PITPNA: variants seen among roughly 807,000 people sequenced by gnomAD.
The protein encoded by PITPNA is phosphatidylinositol transfer protein alpha.
Under a neutral mutation model 50.3 loss-of-function variants are expected in PITPNA, and 13 were observed. The observed-to-expected ratio is 0.26, with a 90% confidence interval of 0.17 to 0.41. PITPNA has a LOEUF of 0.41. PITPNA is among the 10% of genes least tolerant of loss of function. The pLI is 1.00. For synonymous variants in PITPNA, 120 were observed against 119.6 expected (o/e 1.00, Z -0.02); for missense variants, 207 against 333.4 (o/e 0.62, Z 2.95).
chr17:1,533,167 T>C (rs2075594597), intron 10 of PITPNA, among the ~76,000 whole-genome samples: 1 of 152,168 alleles, frequency 6.6e-6, no homozygotes, highest in Admixed American at 6.5e-5. Context: ...GTGATGGCAG[T>C]TCTTATGAAA....
At chr17:1,552,003 C>G (rs1321563939) in intron 3 of PITPNA, among the ~76,000 whole-genome samples, 2 of 136,696 alleles carry the variant, frequency 1.5e-5, no homozygotes, top group African/African-American at 5.0e-5. Context: ...TGAGGTTCCT[C>G]CCCACTGCAC....
At chr17:1,539,436 T>C (rs1293278336) in intron 6 of PITPNA, among the ~76,000 whole-genome samples, 1 of 117,096 alleles carries the variant, frequency 8.5e-6, no homozygotes, top group African/African-American at 3.4e-5. Context: ...AGCTGGGCCC[T>C]AGTGATCCTC....
chr17:1,526,740 T>C (rs2075550442), intron 10 of PITPNA, among the ~76,000 whole-genome samples: 2 of 152,152 alleles, frequency 1.3e-5, no homozygotes, highest in African/African-American at 4.8e-5. Context: ...CCCATACCAC[T>C]GAAATAAAAT....
rs553943515 is a variant in PITPNA at position 1,562,588 on chromosome 17, C to G, written c.-28G>C. On this transcript the variant is annotated 5_prime_UTR_variant, in exon 1 of 12. Transcript: ENST00000313486. The surrounding 1 kb of genome is among the most constrained non-coding windows in gnomAD (Gnocchi z 6.4). ...CGCTTCGCGGCTCGGTGGCTGCCCG[C>G]GGCCCGCCCGGCCTCCCGCCCGCTG... 2 of 1,267,632 alleles carry G rather than the reference C, an allele frequency of 1.6e-6. No homozygotes were observed. The highest frequency in any genetic ancestry group is 2.0e-6 in the Non-Finnish European group (2 of 1,002,442). The allele number at this position is 1,267,632 out of a possible 1,614,324, so 78.5% of individuals were successfully genotyped here.
At position 1,562,644 on chromosome 17, in the gene PITPNA, C is replaced by G; in HGVS notation, c.-84G>C. 1 of 988,212 alleles carries G rather than the reference C, an allele frequency of 1.0e-6. No homozygotes were observed. Among genetic ancestry groups the G allele is most frequent in the Non-Finnish European group, 1.3e-6 (1 of 787,820 alleles). 61.2% of individuals were successfully genotyped at this position (988,212 alleles called of 1,614,324 possible). ...CGGCCGCTCTCCCCGTGGCCCGGCC[C>G]GGCCCGGCTGCCTGTGCGTCTTCGT... On this transcript the variant is annotated 5_prime_UTR_variant, in exon 1 of 12. Coordinates refer to ENST00000313486, the MANE Select transcript of PITPNA (RefSeq NM_006224.4). This position sits in a 1 kb window ranked among gnomAD's most constrained non-coding sequence, Gnocchi z 6.4.
At chr17:1,548,669 C>T (rs2075691641) in intron 3 of PITPNA, among the ~76,000 whole-genome samples, 1 of 152,182 alleles carries the variant, frequency 6.6e-6, no homozygotes, top group African/African-American at 2.4e-5. Flanking sequence ...CAGCATTACA[C>T]ATTTTTCCAG....
rs540844423 is a variant in PITPNA at position 1,558,157 on chromosome 17, C to T, written c.51+372G>A. ...GAGGCAGGAGAATAGCTTGAACCCA[C>T]GAGGCAGAGGTTGCAGTGAGCGGAG... On this transcript the variant is annotated intron_variant, in intron 2 of 11. Coordinates refer to ENST00000313486, the MANE Select transcript of PITPNA (RefSeq NM_006224.4). Among the ~76,000 whole-genome samples the T allele has an allele frequency of 5.5e-5, 8 of 146,528 alleles. No individual in the cohort carries two copies. In the South Asian group the frequency reaches 8.5e-4, roughly 16 times the overall value.
rs1425982812 is a variant in PITPNA, at chr17:1,534,214, C to T, written c.653G>A (p.Arg218Lys). ...KVENFIHKQE[R>K]RLFTNFHRQL... ...CCTGTGGAAGTTTGTAAACAGACGCCTCTCTTGCTATAGAAAGGAGGGAAC... is the reference window on the plus strand; with the variant it reads ...CCTGTGGAAGTTTGTAAACAGACGCTTCTCTTGCTATAGAAAGGAGGGAAC... The change falls in exon 10 of 12, where the codon AGG becomes AAG. Residue 218 changes from arginine (R) to lysine (K), a missense_variant. Coordinates refer to ENST00000313486, the MANE Select transcript of PITPNA (RefSeq NM_006224.4). 1 of 1,613,884 alleles carries T rather than the reference C, an allele frequency of 6.2e-7. No homozygotes were observed. Among genetic ancestry groups the T allele is most frequent in the Non-Finnish European group, 8.5e-7 (1 of 1,179,844 alleles).
chr17:1,528,861 G>C (rs1405638250), intron 10 of PITPNA, among the ~76,000 whole-genome samples: 1 of 152,166 alleles, frequency 6.6e-6, no homozygotes, highest in African/African-American at 2.4e-5. Flanking sequence ...TGAGTGGCTG[G>C]GCATGGTGGC....
chr17:1,554,985 A>G (rs1201470268), intron 2 of PITPNA, among the ~76,000 whole-genome samples: 1 of 152,194 alleles, frequency 6.6e-6, no homozygotes, highest in Non-Finnish European at 1.5e-5. Context: ...CTAGGCACAC[A>G]TGAAAACCCG....
At chr17:1,524,332 T>C (rs572250116) in intron 10 of PITPNA, among the ~76,000 whole-genome samples, 483 of 148,024 alleles carry the variant, frequency 3.3e-3, no homozygotes, top group East Asian at 0.01. Context: ...GCGTGAGCCA[T>C]CGCACCTGGC....
intron 2 of PITPNA, among the ~76,000 whole-genome samples, chr17:1,556,601 A>G (rs1242068044): frequency 6.6e-6 from 1 of 152,074 alleles, no homozygotes; most frequent in African/African-American, 2.4e-5. Context: ...ACTCCCTATC[A>G]AAGGATCCAT....
chr17:1,531,536 A>C (rs573761252), intron 10 of PITPNA, among the ~76,000 whole-genome samples: 1 of 152,246 alleles, frequency 6.6e-6, no homozygotes, highest in African/African-American at 2.4e-5. Flanking sequence ...TCTCAGAAAA[A>C]AAATAAATAA....
intron 3 of PITPNA, among the ~76,000 whole-genome samples, chr17:1,548,965 G>A (rs1160491623): frequency 6.6e-6 from 1 of 152,106 alleles, no homozygotes; most frequent in Non-Finnish European, 1.5e-5. Flanking sequence ...GCAGTGCTGC[G>A]ATCTCGGGTA....
At chr17:1,524,405 T>C (rs970853210) in intron 10 of PITPNA, among the ~76,000 whole-genome samples, 2 of 146,918 alleles carry the variant, frequency 1.4e-5, no homozygotes, top group African/African-American at 5.1e-5. Context: ...AGTGCAGTGG[T>C]GCGATCACCA....
rs969599693 is a variant in PITPNA, at chr17:1,518,743, TCC to T, written c.*1816_*1817del. On this transcript the variant is annotated 3_prime_UTR_variant, in exon 12 of 12. Transcript: ENST00000313486. ...TTTCAAGATAACCCGCATCTGGACT[TCC>T]CCTAGTTGATGAATGAAGGAACATC... The T allele has an allele frequency of 6.6e-6, 1 of 152,204 alleles. No homozygotes were observed. 9.4% of individuals were successfully genotyped at this position (152,204 alleles called of 1,614,324 possible).
chr17:1,559,891 G>T, intron 1 of PITPNA: 1 of 453,608 alleles, frequency 2.2e-6, no homozygotes, highest in Non-Finnish European at 2.9e-6. Context: ...AATGCTGCCA[G>T]TGAGCCTCCC....
At chr17:1,537,988 A>G (rs1299608508) in intron 7 of PITPNA, among the ~76,000 whole-genome samples, 2 of 152,024 alleles carry the variant, frequency 1.3e-5, no homozygotes, top group Non-Finnish European at 2.9e-5. Context: ...TTTAGTAGAG[A>G]TGGGGTTTCA....
At chr17:1,541,490 C>G in intron 6 of PITPNA, 76 bp downstream of exon 6, 1 of 1,031,566 alleles carries the variant, frequency 9.7e-7, no homozygotes, top group Non-Finnish European at 1.5e-6. Context: ...AGAGAGGACC[C>G]CATGGTAGCC....
Sources: allele counts gnomAD v4.1 joint callset (sites outside exome capture counted in the v4.1 genomes callset), GRCh38; gene constraint gnomAD v4.1.1; non-coding constraint Gnocchi (gnomAD v3.1); transcripts MANE v1.5; gene names NCBI Gene and HGNC (gene_info 2026-07-23, HGNC 2026-07-21).